EXOC4: variants seen among roughly 807,000 people sequenced by gnomAD.
EXOC4 encodes the protein SEC8-like 1.
A neutral mutation model predicts 107.2 loss-of-function variants in EXOC4; 71 were observed. The ratio of observed to expected loss-of-function variants is 0.66; its 90% confidence interval spans 0.55 to 0.81. EXOC4 has a LOEUF of 0.81. EXOC4 is among the 30% of genes least tolerant of loss of function. The pLI is 0.00. For synonymous variants in EXOC4, 456 were observed against 441.2 expected (o/e 1.03, Z -0.42); for missense variants, 1,108 against 1,189.6 (o/e 0.93, Z 1.01).
At chr7:133,608,569 T>TG (rs1491270320) in intron 9 of EXOC4, among the ~76,000 whole-genome samples, 150 of 143,420 alleles carry the variant, frequency 1.0e-3, no homozygotes, top group African/African-American at 3.9e-3. Flanking sequence ...TTTTTTTTTT[T>TG]GGAGATGGAA....
chr7:133,787,963 TTATATATATATA>T (rs1163259405), intron 10 of EXOC4, among the ~76,000 whole-genome samples: 3,435 of 40,866 alleles, frequency 0.084, 211 homozygotes, highest in South Asian at 0.11. Flanking sequence ...ATTTATATAT[TTATATATATATA>T]TATATATATA....
intron 10 of EXOC4, among the ~76,000 whole-genome samples, chr7:133,811,395 C>T (rs1175920416): frequency 6.6e-6 from 1 of 152,136 alleles, no homozygotes; most frequent in Non-Finnish European, 1.5e-5. Context: ...CTTCTATACC[C>T]TTGACTCTCA....
At chr7:134,029,103 T>C (rs1429246572) in intron 17 of EXOC4, among the ~76,000 whole-genome samples, 1 of 152,230 alleles carries the variant, frequency 6.6e-6, no homozygotes, top group Non-Finnish European at 1.5e-5. Flanking sequence ...GTTCACCCAG[T>C]GGGTTATCCT....
At position 133,284,825 on chromosome 7, in the gene EXOC4, G is replaced by A. The variant is rs1794238343; in HGVS notation, c.277-4097G>A. Among the ~76,000 whole-genome samples, 4 of 152,210 alleles carry A rather than the reference G, an allele frequency of 2.6e-5. No individual in the cohort carries two copies. The South Asian group carries it at 8.3e-4, about 32-fold the overall frequency. ...GCTGGGATTACAGGCGTGAGCCACCGTGCCCGGCCTGAGAGATATGTTTAA... is the reference window on the plus strand; with the variant it reads ...GCTGGGATTACAGGCGTGAGCCACCATGCCCGGCCTGAGAGATATGTTTAA... On this transcript the variant is annotated intron_variant, in intron 2 of 17. Transcript: ENST00000253861.
intron 10 of EXOC4, among the ~76,000 whole-genome samples, chr7:133,670,500 G>A (rs754223747): frequency 4.6e-5 from 7 of 152,176 alleles, no homozygotes; most frequent in African/African-American, 7.2e-5. Context: ...GCTAGAGGGC[G>A]TCTGTTGAGC....
intron 10 of EXOC4, among the ~76,000 whole-genome samples, chr7:133,806,954 A>G (rs554604609): frequency 2.1e-4 from 32 of 152,348 alleles, no homozygotes; most frequent in Non-Finnish European, 3.8e-4. Context: ...TGAACTGTGC[A>G]GGTCCACTTC....
intron 4 of EXOC4, among the ~76,000 whole-genome samples, chr7:133,310,579 A>G (rs974972831): frequency 5.9e-5 from 9 of 152,244 alleles, no homozygotes; most frequent in African/African-American, 1.9e-4. Context: ...GGAAGTCTGT[A>G]TAATCAGGCT....
chr7:133,487,573 G>T (rs113948251), intron 9 of EXOC4, among the ~76,000 whole-genome samples: 1 of 152,100 alleles, frequency 6.6e-6, no homozygotes, highest in Non-Finnish European at 1.5e-5. Flanking sequence ...GCTGGGTGTG[G>T]TGGTATGTAC....
intron 17 of EXOC4, among the ~76,000 whole-genome samples, chr7:134,030,727 G>A (rs1031030492): frequency 9.0e-4 from 106 of 117,636 alleles, no homozygotes; most frequent in African/African-American, 3.4e-3. Flanking sequence ...TCCTGCACAC[G>A]ACTGATCAAA....
the EXOC4 span, among the ~76,000 whole-genome samples, chr7:134,097,222 T>C: frequency 6.6e-6 from 1 of 152,208 alleles, no homozygotes; most frequent in African/African-American, 2.4e-5. Context: ...CCGGGTAATA[T>C]ATTCTTTTTT....
At chr7:133,955,427 T>C (rs1800794104) in intron 14 of EXOC4, among the ~76,000 whole-genome samples, 1 of 152,172 alleles carries the variant, frequency 6.6e-6, no homozygotes, top group Non-Finnish European at 1.5e-5. Flanking sequence ...GTAGCTCCTC[T>C]CTGCAGGCAG....
At chr7:133,968,515 A>G (rs754739329) in intron 14 of EXOC4, among the ~76,000 whole-genome samples, 4 of 151,178 alleles carry the variant, frequency 2.6e-5, no homozygotes, top group African/African-American at 9.7e-5. Context: ...TCCTTCAGGA[A>G]CTCTTGTAAG....
intron 10 of EXOC4, among the ~76,000 whole-genome samples, chr7:133,789,689 A>G (rs1796663915): frequency 6.6e-6 from 1 of 152,224 alleles, no homozygotes; most frequent in African/African-American, 2.4e-5. Flanking sequence ...AGGTTTACTA[A>G]TCAACCTGTC....
intron 10 of EXOC4, among the ~76,000 whole-genome samples, chr7:133,714,580 C>T (rs528005598): frequency 6.6e-6 from 1 of 152,288 alleles, no homozygotes; most frequent in East Asian, 1.9e-4. Context: ...GCATCCAGTT[C>T]AACTGAGTAT....
At position 133,769,009 on chromosome 7, in the gene EXOC4, C is replaced by T. The variant is rs568976235; in HGVS notation, c.1515-48316C>T. On this transcript the variant is annotated intron_variant, in intron 10 of 17. Transcript: ENST00000253861. Reference sequence around the variant, plus strand: ...GGAAGGATGTCCTATGTGCCGTTAACGTGCAAATCACATACGCTTGGATGT... The same window carrying T: ...GGAAGGATGTCCTATGTGCCGTTAATGTGCAAATCACATACGCTTGGATGT... 2.6e-5 allele frequency among the ~76,000 whole-genome samples: 4 copies of T among 152,096 alleles called. No individual in the cohort carries two copies. In the South Asian group the frequency reaches 6.2e-4, roughly 24 times the overall value.
At chr7:133,588,894 G>T (rs1801471056) in intron 9 of EXOC4, among the ~76,000 whole-genome samples, 1 of 151,804 alleles carries the variant, frequency 6.6e-6, no homozygotes, top group African/African-American at 2.4e-5. Flanking sequence ...GTGTGTGTGT[G>T]TGTATATATG....
At chr7:133,989,569 G>A (rs539223997) in intron 14 of EXOC4, among the ~76,000 whole-genome samples, 48 of 152,236 alleles carry the variant, frequency 3.2e-4, no homozygotes, top group African/African-American at 1.1e-3. Context: ...TGCCATATAA[G>A]CCAAAAGAAG....
At chr7:133,571,006 C>T (rs1801012022) in intron 9 of EXOC4, among the ~76,000 whole-genome samples, 1 of 152,154 alleles carries the variant, frequency 6.6e-6, no homozygotes, top group African/African-American at 2.4e-5. Flanking sequence ...GTTGAGCAAC[C>T]TGGGTGGCCT....
At chr7:133,512,588 A>G (rs529813482) in intron 9 of EXOC4, among the ~76,000 whole-genome samples, 2 of 152,264 alleles carry the variant, frequency 1.3e-5, no homozygotes, top group African/African-American at 4.8e-5. Context: ...GAAGGCTCCC[A>G]GTGAAGAAGA....
Sources: allele counts gnomAD v4.1 joint callset (sites outside exome capture counted in the v4.1 genomes callset), GRCh38; gene constraint gnomAD v4.1.1; transcripts MANE v1.5; gene names NCBI Gene and HGNC (gene_info 2026-07-23, HGNC 2026-07-21).